Variants in UNC13D observed in about 807,000 individuals in gnomAD.
UNC13D encodes unc-13 homolog D, also known as protein unc-13 homolog D.
A neutral mutation model predicts 151.7 loss-of-function variants in UNC13D; 115 were observed. The ratio of observed to expected loss-of-function variants is 0.76; its 90% CI spans 0.65 to 0.88. The LOEUF is 0.88. UNC13D is among the 40% of genes least tolerant of loss of function. UNC13D has a pLI of 0.00. For synonymous variants in UNC13D, 588 were observed against 612.2 expected (o/e 0.96, Z 0.58); for missense variants, 1,369 against 1,438.7 (o/e 0.95, Z 0.78).
chr17:75,835,786 G>C lies in UNC13D; in HGVS notation c.1597-9C>G, dbSNP rs2064904143. 1.2e-6 allele frequency: 2 copies of C among 1,613,910 alleles called. No homozygotes were observed. Among genetic ancestry groups the C allele is most frequent in the African/African-American group, 2.7e-5 (2 of 74,948 alleles). Reference sequence around the variant, plus strand: ...TGCACCCGCTTGGCCACCTGCAAAGGAAAGGTGTGGAGGGCGGGGCCCACA... The same window carrying C: ...TGCACCCGCTTGGCCACCTGCAAAGCAAAGGTGTGGAGGGCGGGGCCCACA... On this transcript the variant is annotated splice_polypyrimidine_tract_variant and intron_variant, in intron 18 of 31. Transcript: ENST00000207549.
rs1028651142 is a variant in UNC13D, at chr17:75,827,456, G to A, written c.*509C>T. 2.7e-5 allele frequency: 39 copies of A among 1,447,704 alleles called. No individual in the cohort carries two copies. The highest frequency in any genetic ancestry group is 3.5e-5 in the Non-Finnish European group (39 of 1,101,240). 89.7% of individuals were successfully genotyped at this position (1,447,704 alleles called of 1,614,324 possible). ...GGATGCTGGCAGCCCCTGGGGAGAG[G>A]ACCCAGGCCCCCTCTAGTAATGGCC... On this transcript the variant is annotated 3_prime_UTR_variant, in exon 32 of 32. Transcript: ENST00000207549.
intron 12 of UNC13D, among the ~76,000 whole-genome samples, chr17:75,838,221 CTTTT>C (rs953705567): frequency 7.0e-6 from 1 of 143,240 alleles, no homozygotes; most frequent in Non-Finnish European, 1.5e-5. Context: ...TGTCCCATCT[CTTTT>C]TTTTTTTTTT....
In UNC13D at chr17:75,827,734, G is replaced by A; in HGVS notation, c.*231C>T. On this transcript the variant is annotated 3_prime_UTR_variant, in exon 32 of 32. Coordinates refer to ENST00000207549, the MANE Select transcript of UNC13D (RefSeq NM_199242.3). ...CCCCCTGGTGCTGGGATGTGGTAGA[G>A]ACATTGCAGCCAGGGCTGGAGGCAG... 1 of 1,498,812 alleles carries A rather than the reference G, an allele frequency of 6.7e-7. No homozygotes were observed. The allele number at this position is 1,498,812 out of a possible 1,614,324, so 92.8% of individuals were successfully genotyped here.
At position 75,831,309 on chromosome 17, in the gene UNC13D, C is replaced by A; in HGVS notation, c.2487G>T (p.Leu829=). The A allele has an allele frequency of 6.2e-7, 1 of 1,613,582 alleles. No homozygotes were observed. Among genetic ancestry groups the A allele is most frequent in the Non-Finnish European group, 8.5e-7 (1 of 1,180,016 alleles). Reference sequence around the variant, plus strand: ...TGCGCTGGGAGGCGGCCGCCTCCACCAGCACTGTGAGTGTGTGGGTCCAGA... The same window carrying A: ...TGCGCTGGGAGGCGGCCGCCTCCACAAGCACTGTGAGTGTGTGGGTCCAGA... ...TLLWTHTLTV[L]VEAAASQRSS... The change falls in exon 26 of 32, where the codon CTG becomes CTT. Residue 829 remains leucine, a synonymous_variant. Coordinates refer to ENST00000207549, the MANE Select transcript of UNC13D (RefSeq NM_199242.3).
In UNC13D at chr17:75,836,079, C is replaced by T. The variant is rs759754878; in HGVS notation, c.1477G>A (p.Gly493Ser). The change falls in exon 17 of 32, where the codon GGC (glycine) becomes AGC (serine). Residue 493 changes from glycine (G) to serine (S), a missense_variant. Gly to Ser is a moderately conservative substitution (Grantham distance 56, BLOSUM62 0). Coordinates refer to ENST00000207549, the MANE Select transcript of UNC13D (RefSeq NM_199242.3). ...GIPEAGKALL[G>S]LVQDVIGDLH... ...TCGCCAATGACATCCTGTACCAGGC[C>T]CAGCAAGGCCTTGCCTGCCTCCGGG... 68 of 1,613,582 alleles carry T rather than the reference C, an allele frequency of 4.2e-5. No individual in the cohort carries two copies. The highest frequency in any genetic ancestry group is 5.7e-5 in the Non-Finnish European group (67 of 1,180,050).
rs2062133879 is a variant in UNC13D, at chr17:75,827,780, C to G, written c.*185G>C. On this transcript the variant is annotated 3_prime_UTR_variant, in exon 32 of 32. Transcript: ENST00000207549. ...GGCAGGGAGGCGGGAGTAGAGATGT[C>G]GCTGCTGAGCCCCCATCACCATGGG... 1 of 1,479,502 alleles carries G rather than the reference C, an allele frequency of 6.8e-7. No individual in the cohort carries two copies. Among genetic ancestry groups the G allele is most frequent in the Non-Finnish European group, 9.0e-7 (1 of 1,114,290 alleles). The allele number at this position is 1,479,502 out of a possible 1,614,324, so 91.6% of individuals were successfully genotyped here.
intron 5 of UNC13D, 27 bp downstream of exon 5, chr17:75,842,830 C>T: frequency 6.2e-7 from 1 of 1,613,176 alleles, no homozygotes; most frequent in East Asian, 2.2e-5. Context: ...AGGAAGAAGC[C>T]CCTTGGGGAC....
intron 4 of UNC13D, 27 bp downstream of exon 4, chr17:75,842,987 C>T (rs968767130): frequency 6.8e-6 from 11 of 1,612,888 alleles, no homozygotes; most frequent in Non-Finnish European, 9.3e-6. Context: ...CCCCTCCTTG[C>T]CCAGGGGGAC....
Position 75,832,824 on chromosome 17 carries a change from G to C in UNC13D, c.2447+142C>G, listed in dbSNP as rs771513817. The stretch of plus-strand genomic sequence containing the variant: ...CTGAGGCCCAGGAAAGAGGGGCCGT[G>C]GGAGGAGAGGGGGAGGTGGCGAGCG... On this transcript the variant is annotated intron_variant, in intron 25 of 31. Transcript: ENST00000207549. The surrounding 1 kb of genome is among the most constrained non-coding windows in gnomAD (Gnocchi z 4.3). The C allele has an allele frequency of 3.7e-5, 27 of 738,278 alleles. No homozygotes were observed. Among genetic ancestry groups the C allele is most frequent in the Non-Finnish European group, 5.8e-5 (25 of 430,484 alleles). The allele number at this position is 738,278 out of a possible 1,614,324, so 45.7% of individuals were successfully genotyped here. A position where few individuals can be genotyped will look rare whatever the true frequency, so the allele number is the denominator to read the frequency against.
chr17:75,829,425 A>T (rs910985370), intron 30 of UNC13D, among the ~76,000 whole-genome samples: 1 of 151,616 alleles, frequency 6.6e-6, no homozygotes. Context: ...CCTCCCGAGT[A>T]GCTGGGACTG....
intron 15 of UNC13D, 23 bp downstream of exon 15, chr17:75,836,316 C>T (rs763523084): frequency 1.2e-6 from 2 of 1,613,568 alleles, no homozygotes; most frequent in Non-Finnish European, 1.7e-6. Flanking sequence ...TGGTCTCCCC[C>T]ATCCCCAGCG....
At position 75,835,844 on chromosome 17, in the gene UNC13D, G is replaced by A. The variant is rs543412754; in HGVS notation, c.1596+11C>T. Reference sequence around the variant, plus strand: ...TGGAGGGCATGCCCTAGAGACGGGGGAGGGACTCACCAGCCACTGCAGCTC... The same window carrying A: ...TGGAGGGCATGCCCTAGAGACGGGGAAGGGACTCACCAGCCACTGCAGCTC... On this transcript the variant is annotated intron_variant, in intron 18 of 31. Transcript: ENST00000207549. 5 of 1,613,972 alleles carry A rather than the reference G, an allele frequency of 3.1e-6. 1 individual carries two copies. Among genetic ancestry groups the A allele is most frequent in the South Asian group, 2.2e-5 (2 of 91,086 alleles).
chr17:75,835,637 T>G lies in UNC13D; in HGVS notation c.1727+10A>C. ...CCCCTGCAGCCGCCCACAATTGGCC[T>G]GCTGCCCACCTCTCTGAGGAGCTCA... On this transcript the variant is annotated intron_variant, in intron 19 of 31. Coordinates refer to ENST00000207549, the MANE Select transcript of UNC13D (RefSeq NM_199242.3). The G allele has an allele frequency of 1.2e-6, 2 of 1,613,240 alleles. No individual in the cohort carries two copies. The highest frequency in any genetic ancestry group is 1.7e-5 in the Admixed American group (1 of 60,018).
At position 75,834,699 on chromosome 17, in the gene UNC13D, G is replaced by A. The variant is rs773402471; in HGVS notation, c.2010C>T (p.Ala670=). 7 of 1,613,592 alleles carry A rather than the reference G, an allele frequency of 4.3e-6. No individual in the cohort carries two copies. The highest frequency in any genetic ancestry group is 5.9e-6 in the Non-Finnish European group (7 of 1,180,036). ...VKFVEDTCRL[A]LVYCSLIKAR... ...CCTTTATAAGGCTGCAGTACACCAG[G>A]GCCAGGCGACAGGTGTCCTAGGGTG... Residue 670 remains alanine, a synonymous_variant, in exon 22 of 32, where the codon GCC becomes GCT. Transcript: ENST00000207549.
intron 30 of UNC13D, 196 bp downstream of exon 30, chr17:75,829,832 C>T: frequency 1.3e-6 from 1 of 756,408 alleles, no homozygotes; most frequent in East Asian, 3.0e-5. Flanking sequence ...CCTGCCTCGG[C>T]CTCCCAAAGT....
Position 75,831,322 on chromosome 17 carries a change from G to A in UNC13D, c.2474C>T (p.Thr825Ile), listed in dbSNP as rs1427228570. 6 of 1,612,768 alleles carry A rather than the reference G, an allele frequency of 3.7e-6. No homozygotes were observed. The highest frequency in any genetic ancestry group is 2.7e-5 in the African/African-American group (2 of 74,528). ...GGCCGCCTCCACCAGCACTGTGAGT[G>A]TGTGGGTCCAGAGCAGGGTCAGGAG... ...SSLLTLLWTH[T>I]LTVLVEAAAS... Residue 825 changes from threonine to isoleucine, a missense_variant, in exon 26 of 32, where the codon ACA (threonine) becomes ATA (isoleucine). This residue lies in a region of UNC13D where 807 missense variants were observed against 795.5 expected (regional missense o/e 1.01). Transcript: ENST00000207549.
chr17:75,839,089 G>C (rs2064929890), intron 12 of UNC13D, among the ~76,000 whole-genome samples: 1 of 148,726 alleles, frequency 6.7e-6, no homozygotes, highest in African/African-American at 2.5e-5. Flanking sequence ...GAAAGAGCAA[G>C]ACTCTGTCTC....
chr17:75,839,803 G>C (rs1205339051), intron 12 of UNC13D, 36 bp downstream of exon 12: 9 of 1,608,390 alleles, frequency 5.6e-6, no homozygotes, highest in Non-Finnish European at 6.8e-6. Flanking sequence ...TGGGGGGCTG[G>C]TGGCTCAGGG....
chr17:75,837,645 T>G (rs2064917941), intron 12 of UNC13D, among the ~76,000 whole-genome samples: 1 of 150,378 alleles, frequency 6.6e-6, no homozygotes, highest in South Asian at 2.1e-4. Flanking sequence ...TCCCAGCTAC[T>G]TGGGAGGCTG....
Sources: allele counts gnomAD v4.1 joint callset (sites outside exome capture counted in the v4.1 genomes callset), GRCh38; gene constraint gnomAD v4.1.1; regional missense constraint gnomAD v4.1.1; non-coding constraint Gnocchi (gnomAD v3.1); transcripts MANE v1.5; gene names NCBI Gene and HGNC (gene_info 2026-07-23, HGNC 2026-07-21).